Variants in ASAP1 observed in about 807,000 individuals in gnomAD.
The protein encoded by ASAP1 is arf-GAP with SH3 domain, ANK repeat and PH domain-containing protein 1.
A neutral mutation model predicts 145.2 loss-of-function variants in ASAP1; 43 were observed. That is an observed-to-expected ratio of 0.30 (90% CI 0.23 to 0.38). The LOEUF (loss-of-function observed/expected upper bound fraction) is 0.38, where lower values mean the gene tolerates loss of function less well. Ranked by LOEUF, ASAP1 falls within the 10% of genes least tolerant of loss-of-function variation. ASAP1 has a pLI of 1.00. For synonymous variants in ASAP1, 546 were observed against 515.5 expected, an observed-to-expected ratio of 1.06 and a Z score of -0.80; for missense variants, 1,018 against 1,355.3, an observed-to-expected ratio of 0.75 and a Z score of 3.91.
chr8:130,225,166 T>C (rs757971250), intron 4 of ASAP1, among the ~76,000 whole-genome samples: 1 of 152,240 alleles, frequency 6.6e-6, no homozygotes, highest in Non-Finnish European at 1.5e-5. Flanking sequence ...AAGAATGTCT[T>C]GTACAAGGGA....
chr8:130,153,125 T>A (rs756951234), intron 12 of ASAP1, among the ~76,000 whole-genome samples: 1 of 151,256 alleles, frequency 6.6e-6, no homozygotes. Flanking sequence ...GTTGAAGCGA[T>A]TCTCCTGCCT....
intron 3 of ASAP1, among the ~76,000 whole-genome samples, chr8:130,259,159 T>C (rs1451108692): frequency 6.6e-6 from 1 of 152,200 alleles, no homozygotes; most frequent in Non-Finnish European, 1.5e-5. Context: ...GAAAATAAAG[T>C]GATGACTCAC....
intron 24 of ASAP1, among the ~76,000 whole-genome samples, chr8:130,104,547 A>G (rs1325368804): frequency 6.6e-6 from 1 of 152,262 alleles, no homozygotes; most frequent in Non-Finnish European, 1.5e-5. Flanking sequence ...CAGCAATAGG[A>G]TGGACACGTC....
At chr8:130,200,632 C>A (rs1815809187) in intron 5 of ASAP1, among the ~76,000 whole-genome samples, 1 of 152,150 alleles carries the variant, frequency 6.6e-6, no homozygotes, top group Admixed American at 6.5e-5. Context: ...GGTGTACACA[C>A]AAACACACAT....
At chr8:130,199,838 A>AAAAC (rs377335721) in intron 5 of ASAP1, among the ~76,000 whole-genome samples, 74 of 151,958 alleles carry the variant, frequency 4.9e-4, no homozygotes, top group Admixed American at 7.9e-4. Context: ...CAAAGTAACA[A>AAAAC]AAACAAACAA....
At chr8:130,109,898 G>A (rs1331415281) in intron 24 of ASAP1, among the ~76,000 whole-genome samples, 1 of 152,216 alleles carries the variant, frequency 6.6e-6, no homozygotes, top group Non-Finnish European at 1.5e-5. Context: ...ATGTCCTGCT[G>A]TGAACAGCCA....
intron 4 of ASAP1, among the ~76,000 whole-genome samples, chr8:130,230,293 T>TA (rs1266132776): frequency 6.6e-6 from 1 of 152,150 alleles, no homozygotes; most frequent in African/African-American, 2.4e-5. Flanking sequence ...CACAGGCTCA[T>TA]ACACACAGTG....
intron 25 of ASAP1, chr8:130,084,633 T>C (rs368284183): frequency 1.3e-5 from 2 of 151,890 alleles, no homozygotes; most frequent in East Asian, 1.9e-4. Flanking sequence ...GGCCTTGGAG[T>C]TGGAAATGGG....
Position 130,191,837 on chromosome 8 carries a change from T to C in ASAP1, c.406-3654A>G, listed in dbSNP as rs534093773. Among the ~76,000 whole-genome samples, 36 of 152,254 alleles carry C rather than the reference T, an allele frequency of 2.4e-4. 1 individual carries two copies. The South Asian group carries it at 2.7e-3, about 11-fold the overall frequency. On this transcript the variant is annotated intron_variant, in intron 5 of 29. Transcript: ENST00000518721. Reference sequence around the variant, plus strand: ...GGCATGCTAAATATGGATAAGATAATGAGGGAGCAGAGAGGGGCGGGGAAC... The same window carrying C: ...GGCATGCTAAATATGGATAAGATAACGAGGGAGCAGAGAGGGGCGGGGAAC...
intron 29 of ASAP1, among the ~76,000 whole-genome samples, chr8:130,056,528 T>C (rs2097404610): frequency 6.6e-6 from 1 of 152,224 alleles, no homozygotes; most frequent in Non-Finnish European, 1.5e-5. Context: ...ACAATCAATA[T>C]TTCCAGATAT....
chr8:130,366,995 G>A (rs890140830), intron 2 of ASAP1, among the ~76,000 whole-genome samples: 1 of 148,128 alleles, frequency 6.8e-6, no homozygotes, highest in East Asian at 2.0e-4. Flanking sequence ...AGGTTCAAGC[G>A]ATTCTCCTAC....
chr8:130,072,842 G>C (rs78138228), intron 27 of ASAP1, among the ~76,000 whole-genome samples: 3,039 of 28,926 alleles, frequency 0.11, 110 homozygotes, highest in Middle Eastern at 0.23. Context: ...GGGGGGGGCA[G>C]TTTTGGGGAC....
intron 3 of ASAP1, among the ~76,000 whole-genome samples, chr8:130,249,280 T>G (rs1819049473): frequency 6.6e-6 from 1 of 152,146 alleles, no homozygotes; most frequent in South Asian, 2.1e-4. Flanking sequence ...CATAAAGCCC[T>G]TCTCTGCCTC....
rs1345426298 is a variant in ASAP1, at chr8:130,358,629, G to A, written c.60-486C>T. ...ACTCCCGCGGCGGGCGGGCGGGCGG[G>A]CGGCGCTCGCGCTGCAGTCACGGGG... On this transcript the variant is annotated intron_variant, in intron 2 of 29. Coordinates refer to ENST00000518721, the MANE Select transcript of ASAP1 (RefSeq NM_018482.4). The surrounding 1 kb of genome is among the most constrained non-coding windows in gnomAD (Gnocchi z 4.1). 6.8e-6 allele frequency among the ~76,000 whole-genome samples: 1 copy of A among 147,198 alleles called. No homozygotes were observed. Among genetic ancestry groups the A allele is most frequent in the Admixed American group, 6.7e-5 (1 of 14,848 alleles).
intron 9 of ASAP1, among the ~76,000 whole-genome samples, chr8:130,174,875 A>G (rs1483789504): frequency 5.3e-5 from 8 of 152,162 alleles, no homozygotes; most frequent in Non-Finnish European, 1.0e-4. Context: ...TTGATATACC[A>G]CATTTTGTTT....
At chr8:130,419,153 C>CA (rs1163199293) in intron 1 of ASAP1, among the ~76,000 whole-genome samples, 1 of 152,174 alleles carries the variant, frequency 6.6e-6, no homozygotes, top group South Asian at 2.1e-4. Context: ...AGGCTTCAGT[C>CA]AAACAGATGG....
intron 2 of ASAP1, among the ~76,000 whole-genome samples, chr8:130,371,751 G>A (rs1827223685): frequency 6.6e-6 from 1 of 152,282 alleles, no homozygotes; most frequent in Admixed American, 6.5e-5. Flanking sequence ...AAAGGCTTGG[G>A]CTCCTGATAA....
chr8:130,118,935 G>T (rs2097560940), intron 18 of ASAP1, among the ~76,000 whole-genome samples: 1 of 151,986 alleles, frequency 6.6e-6, no homozygotes, highest in South Asian at 2.1e-4. Context: ...TTTTCACCTT[G>T]ACCAACAGCA....
intron 2 of ASAP1, among the ~76,000 whole-genome samples, chr8:130,400,790 CAA>C (rs112753204): frequency 8.7e-5 from 9 of 103,034 alleles, no homozygotes; most frequent in Non-Finnish European, 1.0e-4. Flanking sequence ...GACTCCGTCT[CAA>C]AAAAAAAAAA....
Sources: gnomAD v4.1 joint callset for allele counts (sites outside exome capture counted in the v4.1 genomes callset) on GRCh38, gnomAD v4.1.1 for gene constraint, Gnocchi (gnomAD v3.1) non-coding constraint, MANE v1.5 for transcripts, NCBI Gene and HGNC (gene_info 2026-07-23, HGNC 2026-07-21) for gene names.